The following CTNNA3 variants were observed in gnomAD, a reference collection of about 807,000 sequenced individuals.
CTNNA3 encodes catenin alpha-3.
A neutral mutation model predicts 95.7 loss-of-function variants in CTNNA3; 76 were observed. The observed-to-expected ratio is 0.79, with a 90% CI of 0.66 to 0.96. CTNNA3 has a LOEUF of 0.96. Among genes scored for constraint, CTNNA3 ranks in the 40% least tolerant of loss-of-function variants. The pLI is 0.00. For missense variants in CTNNA3, 1,191 were observed against 1,089.8 expected, an observed-to-expected ratio of 1.09 and a Z score of -1.31; for synonymous variants, 431 against 374.4, an observed-to-expected ratio of 1.15 and a Z score of -1.74.
At chr10:66,060,180 T>C (rs1295218205) in intron 15 of CTNNA3, among the ~76,000 whole-genome samples, 1 of 152,062 alleles carries the variant, frequency 6.6e-6, no homozygotes, top group Admixed American at 6.6e-5. Flanking sequence ...TCAAGTGTTA[T>C]GAAAGTCACA....
intron 11 of CTNNA3, among the ~76,000 whole-genome samples, chr10:66,437,557 C>T (rs941678151): frequency 6.6e-6 from 1 of 152,072 alleles, no homozygotes; most frequent in Non-Finnish European, 1.5e-5. Flanking sequence ...ATGTTCTTCT[C>T]TAAACTGCTT....
intron 13 of CTNNA3, among the ~76,000 whole-genome samples, chr10:66,268,472 CA>C (rs2091206743): frequency 6.6e-6 from 1 of 152,164 alleles, no homozygotes; most frequent in Non-Finnish European, 1.5e-5. Flanking sequence ...GGCTAAATGT[CA>C]CCTTCCTCAG....
At chr10:66,372,651 A>T (rs1370090099) in intron 12 of CTNNA3, among the ~76,000 whole-genome samples, 1 of 152,206 alleles carries the variant, frequency 6.6e-6, no homozygotes, top group Non-Finnish European at 1.5e-5. Flanking sequence ...GCTAATTTAT[A>T]AAGAAAACAG....
At chr10:67,628,305 G>C (rs1032100127) in intron 2 of CTNNA3, among the ~76,000 whole-genome samples, 1 of 150,330 alleles carries the variant, frequency 6.7e-6, no homozygotes, top group Non-Finnish European at 1.5e-5. Context: ...ATCTTAATAG[G>C]TCTTTTGAGT....
chr10:66,427,594 T>C (rs1439909063), intron 11 of CTNNA3, among the ~76,000 whole-genome samples: 1 of 152,098 alleles, frequency 6.6e-6, no homozygotes, highest in Non-Finnish European at 1.5e-5. Flanking sequence ...TTTGAAGTCA[T>C]TTATCATATT....
chr10:66,373,405 A>T (rs1302147788), intron 12 of CTNNA3, among the ~76,000 whole-genome samples: 1 of 152,064 alleles, frequency 6.6e-6, no homozygotes, highest in African/African-American at 2.4e-5. Context: ...TCTTCAACTC[A>T]TAATGTCACC....
intron 7 of CTNNA3, among the ~76,000 whole-genome samples, chr10:67,058,975 C>T (rs919967718): frequency 6.6e-6 from 1 of 152,180 alleles, no homozygotes; most frequent in Non-Finnish European, 1.5e-5. Context: ...TTTATCATGA[C>T]TAAAAATTTT....
chr10:66,210,797 C>T (rs1179832159), intron 13 of CTNNA3, among the ~76,000 whole-genome samples: 1 of 152,132 alleles, frequency 6.6e-6, no homozygotes, highest in Non-Finnish European at 1.5e-5. Flanking sequence ...CAAAATAATT[C>T]ACATGTAGTT....
intron 7 of CTNNA3, among the ~76,000 whole-genome samples, chr10:67,137,161 T>A (rs551881904): frequency 1.3e-5 from 2 of 152,172 alleles, no homozygotes; most frequent in Non-Finnish European, 2.9e-5. Context: ...AAGTGTTGCA[T>A]GAATGGCATT....
At chr10:67,687,830 C>A (rs1250284181) in intron 1 of CTNNA3, among the ~76,000 whole-genome samples, 1 of 152,128 alleles carries the variant, frequency 6.6e-6, no homozygotes, top group South Asian at 2.1e-4. Flanking sequence ...AATTCACAGG[C>A]TTTTTCCTAA....
At chr10:67,694,864 AG>A (rs1178041416) in intron 1 of CTNNA3, among the ~76,000 whole-genome samples, 1 of 152,196 alleles carries the variant, frequency 6.6e-6, no homozygotes, top group Middle Eastern at 3.2e-3. Context: ...AATGAAAAAA[AG>A]TTTTACCAAT....
rs1271486586 is a variant in CTNNA3, at chr10:67,215,068, G to T, written c.843+4539C>A. 2.0e-5 allele frequency among the ~76,000 whole-genome samples: 3 copies of T among 152,068 alleles called. No individual in the cohort carries two copies. In the East Asian group the frequency reaches 5.8e-4, roughly 29 times the overall value. ...AATATTTTAGAACTTGTCATGGCATGTATCTTAACTGCTTTTCAAAAAATA... is the reference window on the plus strand; with the variant it reads ...AATATTTTAGAACTTGTCATGGCATTTATCTTAACTGCTTTTCAAAAAATA... On this transcript the variant is annotated intron_variant, in intron 6 of 17. Coordinates refer to ENST00000433211, the MANE Select transcript of CTNNA3 (RefSeq NM_013266.4).
chr10:67,750,741 G>A, intron 1 of CTNNA3: 1 of 1,589,762 alleles, frequency 6.3e-7, no homozygotes, highest in South Asian at 1.1e-5. Context: ...ATGAGGGGCT[G>A]GTGAAAGCCC....
At chr10:67,500,689 T>C (rs1438539426) in intron 5 of CTNNA3, among the ~76,000 whole-genome samples, 2 of 152,248 alleles carry the variant, frequency 1.3e-5, no homozygotes, top group Non-Finnish European at 2.9e-5. Flanking sequence ...AATACCTTTA[T>C]TTGTCTTTTT....
intron 5 of CTNNA3, among the ~76,000 whole-genome samples, chr10:67,462,332 T>A (rs1369534746): frequency 6.6e-6 from 1 of 152,180 alleles, no homozygotes; most frequent in Non-Finnish European, 1.5e-5. Flanking sequence ...GTAATTAATA[T>A]CCTCGATTAA....
intron 5 of CTNNA3, among the ~76,000 whole-genome samples, chr10:67,489,558 G>T (rs1848576502): frequency 6.6e-6 from 1 of 152,062 alleles, no homozygotes; most frequent in Non-Finnish European, 1.5e-5. Context: ...CTTCTCAGGG[G>T]CTTAGATAAG....
chr10:67,695,190 C>T (rs984260273), intron 1 of CTNNA3, among the ~76,000 whole-genome samples: 1 of 152,190 alleles, frequency 6.6e-6, no homozygotes, highest in Non-Finnish European at 1.5e-5. Context: ...TTGTTTTAAG[C>T]AAATCATTGC....
At chr10:67,492,047 T>C (rs1848665474) in intron 5 of CTNNA3, among the ~76,000 whole-genome samples, 1 of 152,058 alleles carries the variant, frequency 6.6e-6, no homozygotes, top group African/African-American at 2.4e-5. Context: ...ATGGGAATCA[T>C]CCAATTGTTA....
intron 7 of CTNNA3, among the ~76,000 whole-genome samples, chr10:66,937,122 T>A (rs1847751728): frequency 6.6e-6 from 1 of 152,046 alleles, no homozygotes; most frequent in African/African-American, 2.4e-5. Flanking sequence ...TTATACAAAG[T>A]CTTTCTCCTT....
Sources: allele counts gnomAD v4.1 joint callset (sites outside exome capture counted in the v4.1 genomes callset), GRCh38; gene constraint gnomAD v4.1.1; transcripts MANE v1.5; gene names NCBI Gene and HGNC (gene_info 2026-07-23, HGNC 2026-07-21).